DMXL1: variants seen among roughly 807,000 people sequenced by gnomAD.
The protein encoded by DMXL1 is Dmx like 1.
A neutral mutation model predicts 319.2 loss-of-function variants in DMXL1; 99 were observed. That is an observed-to-expected ratio of 0.31 (90% CI 0.26 to 0.37). The LOEUF (loss-of-function observed/expected upper bound fraction) is 0.37, where lower values mean the gene tolerates loss of function less well. DMXL1 is among the 10% of genes least tolerant of loss of function. DMXL1 has a pLI of 1.00. For missense variants in DMXL1, 3,745 were observed against 3,595.6 expected (o/e 1.04, Z -1.06); for synonymous variants, 1,385 against 1,235.2 (o/e 1.12, Z -2.54).
chr5:119,171,543 T>C (rs1581141678), intron 24 of DMXL1, among the ~76,000 whole-genome samples: 1 of 151,646 alleles, frequency 6.6e-6, no homozygotes, highest in Non-Finnish European at 1.5e-5. Flanking sequence ...ACAGACTTCT[T>C]ATTGCAAGAG....
At chr5:119,100,195 C>G (rs1334252459) in intron 2 of DMXL1, among the ~76,000 whole-genome samples, 1 of 151,814 alleles carries the variant, frequency 6.6e-6, no homozygotes, top group African/African-American at 2.4e-5. Context: ...CTTTGGGAAG[C>G]CGAGGCAGGT....
Position 119,247,184 on chromosome 5 carries a change from G to A in DMXL1, c.9112G>A (p.Glu3038Lys), listed in dbSNP as rs1186557410. The A allele has an allele frequency of 1.9e-6, 3 of 1,613,284 alleles. No individual in the cohort carries two copies. Among genetic ancestry groups the A allele is most frequent in the Admixed American group, 3.3e-5 (2 of 59,808 alleles). ...GCCAGATCAGTTTAGCCCTTTAAATGAAGTGTTGAAAAATGATGTGAAATT... is the reference window on the plus strand; with the variant it reads ...GCCAGATCAGTTTAGCCCTTTAAATAAAGTGTTGAAAAATGATGTGAAATT... ...ILPDQFSPLN[E>K]VLKNDVKFML is the part of the protein sequence containing the mutation. The change falls in exon 44 of 44, where the codon GAA (glutamate) becomes AAA (lysine). Residue 3038 changes from glutamate to lysine, a missense_variant. By Grantham distance (56) the Glu-to-Lys change is moderately conservative. This residue lies in a region of DMXL1 where 262 missense variants were observed against 320.5 expected (regional missense o/e 0.82). Coordinates refer to ENST00000539542, the MANE Select transcript of DMXL1 (RefSeq NM_001290321.3).
intron 9 of DMXL1, chr5:119,128,106 T>C (rs1764009079): frequency 2.0e-6 from 1 of 489,524 alleles, no homozygotes; most frequent in Non-Finnish European, 4.1e-6. Context: ...CAAGTCTAAA[T>C]CATGGGATAT....
intron 38 of DMXL1, among the ~76,000 whole-genome samples, chr5:119,225,845 T>C (rs1379001439): frequency 6.6e-6 from 1 of 152,150 alleles, no homozygotes. Flanking sequence ...ACAAGTTTAA[T>C]GTCAGGTGAG....
intron 7 of DMXL1, among the ~76,000 whole-genome samples, chr5:119,117,830 T>C (rs1313020069): frequency 6.6e-6 from 1 of 152,200 alleles, no homozygotes; most frequent in Non-Finnish European, 1.5e-5. Context: ...TCTTTTTTAG[T>C]CAGTTAGGTA....
chr5:119,123,103 C>G (rs1009340177), intron 9 of DMXL1, among the ~76,000 whole-genome samples: 1 of 152,136 alleles, frequency 6.6e-6, no homozygotes, highest in African/African-American at 2.4e-5. Flanking sequence ...GAGCTGGAGA[C>G]CGGCCCGGCC....
At chr5:119,074,143 T>G (rs1451194427) in intron 1 of DMXL1, among the ~76,000 whole-genome samples, 1 of 152,244 alleles carries the variant, frequency 6.6e-6, no homozygotes, top group Admixed American at 6.5e-5. Flanking sequence ...GGTCTGGAGC[T>G]CCTGACCTCA....
intron 19 of DMXL1, among the ~76,000 whole-genome samples, chr5:119,155,845 C>CA (rs990963285): frequency 7.0e-4 from 83 of 118,154 alleles, no homozygotes; most frequent in Admixed American, 4.2e-3. Context: ...AAAAAAAAAA[C>CA]AAAACTTCAG....
chr5:119,117,238 G>A (rs931384853), intron 7 of DMXL1, among the ~76,000 whole-genome samples: 4 of 151,914 alleles, frequency 2.6e-5, no homozygotes, highest in African/African-American at 9.7e-5. Context: ...ATGGGGTTTT[G>A]CCATGTTGCC....
chr5:119,147,157 T>C, intron 16 of DMXL1, 92 bp from the exon 17 acceptor site: 1 of 1,212,538 alleles, frequency 8.2e-7, no homozygotes, highest in Non-Finnish European at 1.2e-6. Context: ...TTTTATCTTT[T>C]ACAAGGCAGT....
chr5:119,158,385 T>G (rs565014753), intron 19 of DMXL1, among the ~76,000 whole-genome samples: 1 of 152,328 alleles, frequency 6.6e-6, no homozygotes, highest in Admixed American at 6.5e-5. Context: ...TGGTGGAGTC[T>G]TATGTGTTTT....
chr5:119,137,846 A>G, intron 13 of DMXL1, among the ~76,000 whole-genome samples: 1 of 152,218 alleles, frequency 6.6e-6, no homozygotes, highest in Non-Finnish European at 1.5e-5. Flanking sequence ...GGACTAATAC[A>G]GTATGTAAAG....
intron 19 of DMXL1, among the ~76,000 whole-genome samples, chr5:119,152,807 G>A (rs1770113086): frequency 6.6e-6 from 1 of 152,132 alleles, no homozygotes; most frequent in Admixed American, 6.6e-5. Context: ...TTTAAAAAGT[G>A]TTATTGGGAC....
At chr5:119,152,150 T>C (rs1420503022) in intron 19 of DMXL1, 114 bp downstream of exon 19, 1 of 670,982 alleles carries the variant, frequency 1.5e-6, no homozygotes, top group African/African-American at 1.9e-5. Context: ...ATTTAACATA[T>C]TTTAAGTTTC....
chr5:119,232,065 T>C (rs1249070112), intron 38 of DMXL1, among the ~76,000 whole-genome samples: 2 of 152,132 alleles, frequency 1.3e-5, no homozygotes, highest in Non-Finnish European at 2.9e-5. Context: ...ACTACAGCTT[T>C]GAACTCCTGG....
At chr5:119,138,609 C>T (rs1205133463) in intron 13 of DMXL1, among the ~76,000 whole-genome samples, 2 of 152,100 alleles carry the variant, frequency 1.3e-5, no homozygotes, top group Admixed American at 1.3e-4. Context: ...GAGGCCGTGG[C>T]AGGTGGATCA....
At chr5:119,082,974 G>A (rs768428329) in intron 1 of DMXL1, among the ~76,000 whole-genome samples, 1 of 152,100 alleles carries the variant, frequency 6.6e-6, no homozygotes, top group South Asian at 2.1e-4. Flanking sequence ...GTCTTTCTGA[G>A]CTTGGCTTAT....
chr5:119,209,396 G>T (rs543781296), intron 34 of DMXL1, among the ~76,000 whole-genome samples: 112 of 150,852 alleles, frequency 7.4e-4, no homozygotes, highest in Middle Eastern at 3.5e-3. Flanking sequence ...TGTCTCCCAG[G>T]CTGGGTGTAG....
intron 43 of DMXL1, among the ~76,000 whole-genome samples, chr5:119,245,704 T>G (rs866532341): frequency 8.5e-5 from 13 of 152,078 alleles, no homozygotes; most frequent in African/African-American, 3.1e-4. Context: ...TACACCCTGC[T>G]AATTTTTTGT....
Sources: allele counts gnomAD v4.1 joint callset (sites outside exome capture counted in the v4.1 genomes callset), GRCh38; gene constraint gnomAD v4.1.1; regional missense constraint gnomAD v4.1.1; transcripts MANE v1.5; gene names NCBI Gene and HGNC (gene_info 2026-07-23, HGNC 2026-07-21).